SORCS2: variants seen among roughly 807,000 people sequenced by gnomAD.
SORCS2 encodes VPS10 domain-containing receptor SorCS2.
Under a neutral mutation model 141.6 loss-of-function variants are expected in SORCS2, and 100 were observed. The ratio of observed to expected loss-of-function variants is 0.71; its 90% CI spans 0.60 to 0.83. The LOEUF is 0.83. Among genes scored for constraint, SORCS2 ranks in the 40% least tolerant of loss-of-function variants. The pLI, the probability that SORCS2 is intolerant of heterozygous loss-of-function variation, is 0.00. For missense variants in SORCS2, 1,646 were observed against 1,560.2 expected, an observed-to-expected ratio of 1.05 and a Z score of -0.93; for synonymous variants, 789 against 676.9, an observed-to-expected ratio of 1.17 and a Z score of -2.57.
intron 10 of SORCS2, among the ~76,000 whole-genome samples, chr4:7,686,492 G>C (rs1723879432): frequency 6.6e-6 from 1 of 152,202 alleles, no homozygotes. Flanking sequence ...AGCTTGGCCT[G>C]CCTCCAGCCC....
At chr4:7,383,631 A>G (rs1030583344) in intron 1 of SORCS2, among the ~76,000 whole-genome samples, 1 of 152,230 alleles carries the variant, frequency 6.6e-6, no homozygotes, top group Admixed American at 6.5e-5. Flanking sequence ...CTCAGCACTA[A>G]CAACATCACA....
intron 25 of SORCS2, among the ~76,000 whole-genome samples, chr4:7,736,758 G>A (rs1294208284): frequency 6.6e-6 from 1 of 152,148 alleles, no homozygotes; most frequent in Non-Finnish European, 1.5e-5. Flanking sequence ...AGGATATCAT[G>A]CCCTCTCCCC....
rs139146561 is a variant in SORCS2, at chr4:7,462,380, C to T, written c.548+66025C>T. 3.7e-3 allele frequency among the ~76,000 whole-genome samples: 560 copies of T among 152,304 alleles called. 5 individuals carry two copies. The highest frequency in any genetic ancestry group is 0.014 in the Middle Eastern group (4 of 294). ...AAGGGCAGCACGAAGGATCTAAAGA[C>T]GGGCTTCGGGAGGCTGGGAGTGGGA... On this transcript the variant is annotated intron_variant, in intron 2 of 26. Transcript: ENST00000507866.
At chr4:7,554,966 C>G (rs1347488329) in intron 3 of SORCS2, among the ~76,000 whole-genome samples, 1 of 152,158 alleles carries the variant, frequency 6.6e-6, no homozygotes, top group Non-Finnish European at 1.5e-5. Context: ...GGTGCAAGTG[C>G]ATCAAAGTCA....
intron 5 of SORCS2, among the ~76,000 whole-genome samples, chr4:7,659,763 G>GC (rs1020114823): frequency 8.5e-5 from 13 of 152,220 alleles, no homozygotes; most frequent in Non-Finnish European, 1.6e-4. Flanking sequence ...GGACAAAGGG[G>GC]CCAGGGCACA....
intron 2 of SORCS2, among the ~76,000 whole-genome samples, chr4:7,506,141 G>A (rs894084533): frequency 1.3e-5 from 2 of 152,120 alleles, no homozygotes; most frequent in Admixed American, 6.5e-5. Context: ...TCCGGGGTCT[G>A]TGTCTGCTGA....
In SORCS2 at chr4:7,714,269, A is replaced by G; in HGVS notation, c.2019A>G (p.Arg673=). Residue 673 remains arginine, a synonymous_variant, in exon 16 of 27, where the codon AGA becomes AGG. Transcript: ENST00000507866. ...QGDRCIMGQQ[R]SFRKRKSTSW... ...ACCGCTGTATCATGGGCCAGCAGAG[A>G]AGTTTCCGGAAAAGAAAGTCCACGT... The G allele has an allele frequency of 2.5e-6, 4 of 1,610,890 alleles. No homozygotes were observed. The highest frequency in any genetic ancestry group is 3.4e-6 in the Non-Finnish European group (4 of 1,178,794).
rs370590557 is a variant in SORCS2, at chr4:7,726,895, G to A, written c.2861G>A (p.Arg954His). 4.8e-5 allele frequency: 78 copies of A among 1,612,928 alleles called. No individual in the cohort carries two copies. Among genetic ancestry groups the A allele is most frequent in the African/African-American group, 3.5e-4 (26 of 74,904 alleles). The part of the protein sequence containing the change: ...NSVLQDSRVL[R>H]VLDQFQVMPL... ...GTGCTGCAGGACTCCAGGGTCCTCC[G>A]TGTGCTGGGTAAGTACTTCCTGGGG... is the stretch of plus-strand genomic sequence containing the variant. The change falls in exon 21 of 27, where the codon CGT becomes CAT. Residue 954 changes from arginine (R) to histidine (H), a missense_variant. Physicochemically the swap from Arg to His is conservative, Grantham distance 29 (BLOSUM62 0). Transcript: ENST00000507866.
chr4:7,227,402 C>G (rs367804836), intron 1 of SORCS2, among the ~76,000 whole-genome samples: 1 of 152,350 alleles, frequency 6.6e-6, no homozygotes, highest in African/African-American at 2.4e-5. Flanking sequence ...TTCTTCTCGA[C>G]TTCTCCAGAA....
At chr4:7,688,524 A>G (rs760594104) in intron 10 of SORCS2, among the ~76,000 whole-genome samples, 4 of 152,222 alleles carry the variant, frequency 2.6e-5, no homozygotes, top group Non-Finnish European at 4.4e-5. Context: ...ATAGTAATCC[A>G]ATATCCTGTG....
At chr4:7,420,496 G>T (rs1037655161) in intron 2 of SORCS2, among the ~76,000 whole-genome samples, 19 of 152,172 alleles carry the variant, frequency 1.2e-4, no homozygotes, top group African/African-American at 4.1e-4. Context: ...GTGGACATGT[G>T]GGGGCACTGG....
chr4:7,634,056 A>G (rs1720070916), intron 3 of SORCS2, among the ~76,000 whole-genome samples: 1 of 118,808 alleles, frequency 8.4e-6, no homozygotes, highest in African/African-American at 2.6e-5. Flanking sequence ...TATCCAGGGA[A>G]TCCACGTGCA....
chr4:7,414,650 A>G (rs931519967), intron 2 of SORCS2, among the ~76,000 whole-genome samples: 15 of 152,212 alleles, frequency 9.9e-5, no homozygotes, highest in African/African-American at 3.4e-4. Flanking sequence ...AAAAACATGC[A>G]AGAATCAAAA....
chr4:7,263,418 T>C (rs1216069272), intron 1 of SORCS2, among the ~76,000 whole-genome samples: 1 of 152,198 alleles, frequency 6.6e-6, no homozygotes, highest in African/African-American at 2.4e-5. Flanking sequence ...TCTGGTTCTG[T>C]GATGCTGGTG....
In SORCS2 at chr4:7,667,130, T is replaced by C. The variant is rs778381686; in HGVS notation, c.1078T>C (p.Ser360Pro). 6.2e-7 allele frequency: 1 copy of C among 1,612,748 alleles called. No homozygotes were observed. The highest frequency in any genetic ancestry group is 2.2e-5 in the East Asian group (1 of 44,822). The change falls in exon 8 of 27, where the codon TCA (serine) becomes CCA (proline). Residue 360 changes from serine to proline, a missense_variant. By Grantham distance (74) the Ser-to-Pro change is moderately conservative. Transcript: ENST00000507866. ...TGTTTCTTCCCCCGGTTAGGCAACA[T>C]CAGCAAACCAGACAAAATACTACGT... is the stretch of plus-strand genomic sequence containing the variant. ...QDDYIFFKAT[S>P]ANQTKYYVSY...
chr4:7,295,997 CTGTGGGAGCTGCGTCATGGCTGCG>C (rs1382398308), intron 1 of SORCS2, among the ~76,000 whole-genome samples: 1 of 152,202 alleles, frequency 6.6e-6, no homozygotes, highest in Non-Finnish European at 1.5e-5. Context: ...GAGCAGAGCC[CTGTGGGAGCTGCGTCATGGCTGCG>C]TGTGTGGCTG....
intron 1 of SORCS2, among the ~76,000 whole-genome samples, chr4:7,232,851 T>C (rs1430596421): frequency 1.3e-5 from 2 of 152,200 alleles, no homozygotes; most frequent in East Asian, 3.9e-4. Flanking sequence ...TGTCAGCCTC[T>C]GGGGGCCGAG....
intron 2 of SORCS2, among the ~76,000 whole-genome samples, chr4:7,422,644 C>T (rs752119914): frequency 1.3e-5 from 2 of 152,172 alleles, no homozygotes; most frequent in Admixed American, 1.3e-4. Context: ...GACCCACACA[C>T]TCCTTAGTGT....
At chr4:7,470,723 G>A (rs989974869) in intron 2 of SORCS2, among the ~76,000 whole-genome samples, 23 of 152,224 alleles carry the variant, frequency 1.5e-4, no homozygotes, top group African/African-American at 5.5e-4. Context: ...ACTGAGCTTG[G>A]GGACAGACAA....
Sources: gnomAD v4.1 joint callset for allele counts (sites outside exome capture counted in the v4.1 genomes callset) on GRCh38, gnomAD v4.1.1 for gene constraint, MANE v1.5 for transcripts, NCBI Gene and HGNC (gene_info 2026-07-23, HGNC 2026-07-21) for gene names.